The following DIP2C variants were observed in gnomAD, a reference collection of about 807,000 sequenced individuals.
DIP2C encodes DIP2 acetate--CoA ligase C (putative).
A neutral mutation model predicts 192.4 loss-of-function variants in DIP2C; 33 were observed. The ratio of observed to expected loss-of-function variants is 0.17; its 90% confidence interval spans 0.13 to 0.23. The LOEUF is 0.23. Ranked by LOEUF, DIP2C falls within the 10% of genes least tolerant of loss-of-function variation. The pLI is 1.00. For synonymous variants in DIP2C, 979 were observed against 864.1 expected (o/e 1.13, Z -2.33); for missense variants, 1,537 against 2,110.1 (o/e 0.73, Z 5.32).
Position 415,888 on chromosome 10 carries a change from C to A in DIP2C, c.740G>T (p.Gly247Val). ...GNAELMETGD[G>V]VPVSSRVSAK... is the part of the protein sequence containing the mutation. ...TGACACCCGGCTACTTACTGGTACTCCTGAAAAACAGGAATCAGCGGGTGG... is the reference window on the plus strand; with the variant it reads ...TGACACCCGGCTACTTACTGGTACTACTGAAAAACAGGAATCAGCGGGTGG... The change falls in exon 7 of 37, where the codon GGA (glycine) becomes GTA (valine). Residue 247 changes from glycine (G) to valine (V), a missense_variant and splice_region_variant. Gly to Val is a moderately radical substitution (Grantham distance 109). This residue lies in a region of DIP2C where 473 missense variants were observed against 539.6 expected (regional missense o/e 0.88). Transcript: ENST00000280886. 1 of 1,613,570 alleles carries A rather than the reference C, an allele frequency of 6.2e-7. No homozygotes were observed. The highest frequency in any genetic ancestry group is 8.5e-7 in the Non-Finnish European group (1 of 1,179,924).
At chr10:459,052 A>C (rs1969537623) in intron 3 of DIP2C, among the ~76,000 whole-genome samples, 1 of 152,136 alleles carries the variant, frequency 6.6e-6, no homozygotes, top group African/African-American at 2.4e-5. Flanking sequence ...TTTGACCCAA[A>C]GAGCACTTTA....
intron 10 of DIP2C, among the ~76,000 whole-genome samples, chr10:396,852 T>C (rs1964030777): frequency 1.5e-5 from 1 of 66,574 alleles, no homozygotes; most frequent in Admixed American, 1.8e-4. Context: ...TGGCTGCAAA[T>C]CCGGTGGGGG....
rs553599106 is a variant in DIP2C at position 463,491 on chromosome 10, A to C, written c.268+8948T>G. On this transcript the variant is annotated intron_variant, in intron 3 of 36. Coordinates refer to ENST00000280886, the MANE Select transcript of DIP2C (RefSeq NM_014974.3). ...CTATAAACCACTGCTCAAGGAAAGA[A>C]GAGAAGACACAAACAAATGGAAAAT... 3.9e-3 allele frequency among the ~76,000 whole-genome samples: 588 copies of C among 152,342 alleles called. 5 individuals carry two copies. Among genetic ancestry groups the C allele is most frequent in the Non-Finnish European group, 6.6e-3 (448 of 68,018 alleles).
In DIP2C at chr10:534,286, G is replaced by T. The variant is rs577151065; in HGVS notation, c.86-47756C>A. ...ACTCTCACTTCATCCCCTTAAAGGG[G>T]AAAAGGCGCCTTCCCACTCCTCTTC... On this transcript the variant is annotated intron_variant, in intron 1 of 36. Transcript: ENST00000280886. Among the ~76,000 whole-genome samples the T allele has an allele frequency of 2.6e-5, 4 of 152,330 alleles. No individual in the cohort carries two copies. In the South Asian group the frequency reaches 8.3e-4, roughly 32 times the overall value.
intron 13 of DIP2C, among the ~76,000 whole-genome samples, chr10:389,634 C>A (rs1963295595): frequency 6.6e-6 from 1 of 152,200 alleles, no homozygotes; most frequent in African/African-American, 2.4e-5. Flanking sequence ...GAGAGCGCAC[C>A]TTTCAGGAGG....
chr10:387,031 C>A (rs527796287), intron 14 of DIP2C, among the ~76,000 whole-genome samples: 2 of 152,302 alleles, frequency 1.3e-5, no homozygotes, highest in African/African-American at 4.8e-5. Flanking sequence ...AAGGGCAAAT[C>A]TGGAAACTAC....
intron 3 of DIP2C, among the ~76,000 whole-genome samples, chr10:448,153 C>T: frequency 7.9e-6 from 1 of 126,536 alleles, no homozygotes; most frequent in South Asian, 2.3e-4. Flanking sequence ...AGTGGGGCAG[C>T]AGGACCCGCT....
Position 356,413 on chromosome 10 carries a change from C to G in DIP2C, c.2985+13G>C. The G allele has an allele frequency of 6.2e-7, 1 of 1,610,240 alleles. No individual in the cohort carries two copies. The highest frequency in any genetic ancestry group is 8.5e-7 in the Non-Finnish European group (1 of 1,179,966). ...GAGGCCAGTAGCCAGGGAAGGCCAG[C>G]TCCGCGCCTCACCCGACAGTTGAGC... On this transcript the variant is annotated intron_variant, in intron 24 of 36. Transcript: ENST00000280886.
intron 4 of DIP2C, among the ~76,000 whole-genome samples, chr10:435,634 T>C (rs1213879925): frequency 1.3e-5 from 2 of 152,206 alleles, no homozygotes; most frequent in Non-Finnish European, 2.9e-5. Context: ...TGACCTCATG[T>C]CTCTTGCAGG....
intron 29 of DIP2C, among the ~76,000 whole-genome samples, chr10:334,034 G>C (rs545257768): frequency 4.1e-4 from 63 of 152,300 alleles, no homozygotes; most frequent in African/African-American, 9.4e-4. Context: ...GCTGGGTGCA[G>C]TGGCTCACGC....
intron 1 of DIP2C, among the ~76,000 whole-genome samples, chr10:557,388 T>C (rs1028518612): frequency 1.3e-5 from 2 of 151,826 alleles, no homozygotes. Flanking sequence ...TGTACAGTCA[T>C]ACGTGTGTGT....
chr10:584,720 A>G (rs111387427), intron 1 of DIP2C, among the ~76,000 whole-genome samples: 5 of 28,496 alleles, frequency 1.8e-4, no homozygotes, highest in African/African-American at 3.3e-4. Flanking sequence ...CCGCGACCTG[A>G]CCCCCACTCA....
chr10:452,370 C>G (rs1044679958), intron 3 of DIP2C, among the ~76,000 whole-genome samples: 1 of 152,100 alleles, frequency 6.6e-6, no homozygotes, highest in Non-Finnish European at 1.5e-5. Flanking sequence ...CGCACTAACC[C>G]CATCATCAAA....
chr10:513,671 T>C (rs1424674591), intron 1 of DIP2C, among the ~76,000 whole-genome samples: 1 of 152,140 alleles, frequency 6.6e-6, no homozygotes, highest in Non-Finnish European at 1.5e-5. Context: ...AGTAGATAAA[T>C]GACCTCCACC....
At chr10:367,244 C>T (rs886785422) in intron 18 of DIP2C, among the ~76,000 whole-genome samples, 10 of 152,124 alleles carry the variant, frequency 6.6e-5, no homozygotes, top group East Asian at 3.9e-4. Flanking sequence ...GGTGAAACCC[C>T]GTCTCTACTA....
At chr10:281,460 GTT>G in intron 35 of DIP2C, 137 bp from the exon 36 acceptor site, 1 of 1,282,914 alleles carries the variant, frequency 7.8e-7, no homozygotes, top group African/African-American at 1.5e-5. Flanking sequence ...ATCCAGGGAC[GTT>G]TGTTTCCTTC....
chr10:508,861 C>T (rs1845814875), intron 1 of DIP2C, among the ~76,000 whole-genome samples: 1 of 152,300 alleles, frequency 6.6e-6, no homozygotes, highest in East Asian at 1.9e-4. Context: ...AAAGGCATCA[C>T]TCGAAAACAC....
At chr10:296,288 AT>A (rs1955748568) in intron 32 of DIP2C, among the ~76,000 whole-genome samples, 1 of 152,182 alleles carries the variant, frequency 6.6e-6, no homozygotes, top group Non-Finnish European at 1.5e-5. Context: ...TCTTGAATTA[AT>A]TTTTGTATAA....
chr10:409,042 T>TGTGCGTATTAAACC (rs1256103351), intron 8 of DIP2C, 25 bp from the exon 9 acceptor site: 2 of 1,611,406 alleles, frequency 1.2e-6, no homozygotes, highest in Non-Finnish European at 1.7e-6. Context: ...CACAGACAAA[T>TGTGCGTATTAAACC]GTGCGTATTA....
Sources: allele counts gnomAD v4.1 joint callset (sites outside exome capture counted in the v4.1 genomes callset), GRCh38; gene constraint gnomAD v4.1.1; regional missense constraint gnomAD v4.1.1; transcripts MANE v1.5; gene names NCBI Gene and HGNC (gene_info 2026-07-23, HGNC 2026-07-21).